SERPINB8: variants seen among roughly 807,000 people sequenced by gnomAD.
SERPINB8 encodes the protein serpin family B member 8.
In SERPINB8, 25 loss-of-function variants were observed where a neutral mutation model predicts 35.3. The ratio of observed to expected loss-of-function variants is 0.71; its 90% confidence interval spans 0.52 to 0.99. The LOEUF is 0.99. SERPINB8 is among the 50% of genes least tolerant of loss of function. The pLI, the probability that SERPINB8 is intolerant of heterozygous loss-of-function variation, is 0.00. For missense variants in SERPINB8, 484 were observed against 446.5 expected (o/e 1.08, Z -0.76); for synonymous variants, 186 against 160.8 (o/e 1.16, Z -1.19).
At chr18:64,013,779 CGG>C (rs2050936940) in intron 7 of SERPINB8, among the ~76,000 whole-genome samples, 1 of 151,984 alleles carries the variant, frequency 6.6e-6, no homozygotes, top group South Asian at 2.1e-4. Context: ...AAAGGTGTTC[CGG>C]AAAGAAGGAA....
At chr18:63,982,006 A>G (rs953895301) in intron 4 of SERPINB8, among the ~76,000 whole-genome samples, 168 bp downstream of exon 4, 1 of 152,198 alleles carries the variant, frequency 6.6e-6, no homozygotes, top group Admixed American at 6.5e-5. Flanking sequence ...ATTTCTTATC[A>G]GATCATGAAG....
chr18:64,019,583 C>A lies in SERPINB8; in HGVS notation c.*676C>A, dbSNP rs1359110675. ...TCTCTTTCACGTTATATAAGAAAAG[C>A]CTTCAGTATCTACCCCATGTTTAAT... On this transcript the variant is annotated 3_prime_UTR_variant, in exon 8 of 8. Transcript: ENST00000636430. The A allele has an allele frequency of 2.6e-5, 4 of 152,082 alleles. 1 individual carries two copies. Among genetic ancestry groups the A allele is most frequent in the Admixed American group, 2.0e-4 (3 of 15,258 alleles). The allele number at this position is 152,082 out of a possible 1,614,324, so 9.4% of individuals were successfully genotyped here. A position where few individuals can be genotyped will look rare whatever the true frequency, so the allele number is the denominator to read the frequency against.
chr18:63,994,153 T>C (rs1349716017), downstream of SERPINB8, among the ~76,000 whole-genome samples: 1 of 152,070 alleles, frequency 6.6e-6, no homozygotes, highest in Non-Finnish European at 1.5e-5. Context: ...CTCCCACCTC[T>C]GCTGCTTGTC....
intron 6 of SERPINB8, 126 bp from the exon 7 acceptor site, chr18:63,986,748 T>C: frequency 1.4e-6 from 2 of 1,395,966 alleles, no homozygotes; most frequent in Non-Finnish European, 1.9e-6. Flanking sequence ...AGAAAATATC[T>C]GTAGATTTTC....
downstream of SERPINB8, among the ~76,000 whole-genome samples, chr18:64,010,426 C>T (rs1226143521): frequency 4.6e-5 from 7 of 152,120 alleles, no homozygotes; most frequent in Non-Finnish European, 1.0e-4. Context: ...GTTCAGAAGA[C>T]ATGCAAAATC....
rs568953276 is a variant in SERPINB8 at position 63,986,992 on chromosome 18, A to G, written c.839A>G (p.Glu280Gly). ...AAGCTGGAGGAGAGTTATGACTTGGAGCCTTTCCTTCGAAGATTAGGAATG... is the reference window on the plus strand; with the variant it reads ...AAGCTGGAGGAGAGTTATGACTTGGGGCCTTTCCTTCGAAGATTAGGAATG... The part of the protein sequence containing the change: ...RLKLEESYDL[E>G]PFLRRLGMID... Residue 280 changes from glutamate to glycine, a missense_variant, in exon 7 of 7, where the codon GAG (glutamate) becomes GGG (glycine). Physicochemically the swap from Glu to Gly is moderately conservative, Grantham distance 98. Transcript: ENST00000397985. 29 of 1,614,230 alleles carry G rather than the reference A, an allele frequency of 1.8e-5. No homozygotes were observed. In the East Asian group the frequency reaches 4.0e-4, roughly 22 times the overall value.
chr18:63,997,308 TG>T (rs1178028911), intron 1 of SERPINB8, among the ~76,000 whole-genome samples: 1 of 152,146 alleles, frequency 6.6e-6, no homozygotes, highest in African/African-American at 2.4e-5. Context: ...AATATCCAGG[TG>T]GGTGTGGCTT....
At chr18:63,983,821 T>C (rs1599146967) in intron 5 of SERPINB8, 100 bp downstream of exon 5, 1 of 833,542 alleles carries the variant, frequency 1.2e-6, no homozygotes, top group East Asian at 2.6e-5. Flanking sequence ...ATGATCTTGA[T>C]TTTAATCTAT....
intron 6 of SERPINB8, among the ~76,000 whole-genome samples, chr18:63,985,606 T>C (rs1394375771): frequency 1.3e-5 from 2 of 152,226 alleles, no homozygotes; most frequent in African/African-American, 4.8e-5. Context: ...CTAATGCACA[T>C]ATATGATTCT....
At chr18:63,992,763 G>A (rs2050830822), downstream of SERPINB8, among the ~76,000 whole-genome samples, 1 of 152,196 alleles carries the variant, frequency 6.6e-6, no homozygotes, top group Admixed American at 6.5e-5. Flanking sequence ...AGGGGTCGGG[G>A]GCACCTTGCC....
intron 4 of SERPINB8, among the ~76,000 whole-genome samples, chr18:63,982,948 C>T: frequency 6.6e-6 from 1 of 151,906 alleles, no homozygotes; most frequent in Non-Finnish European, 1.5e-5. Context: ...AGAGAGGCTG[C>T]CTTCTCCCAT....
At position 63,978,318 on chromosome 18, in the gene SERPINB8, C is replaced by T. The variant is rs1298378287; in HGVS notation, c.10C>T (p.Leu4Phe). The T allele has an allele frequency of 6.2e-7, 1 of 1,614,136 alleles. No individual in the cohort carries two copies. The highest frequency in any genetic ancestry group is 1.1e-5 in the South Asian group (1 of 91,078). The change falls in exon 2 of 7, where the codon CTC (leucine) becomes TTC (phenylalanine). Residue 4 changes from leucine to phenylalanine, a missense_variant. Coordinates refer to ENST00000397985, the MANE Select transcript of SERPINB8 (RefSeq NM_002640.4). ...ATGCAGACCTTCTCTGATGGATGAC[C>T]TCTGTGAAGCAAATGGCACTTTTGC... is the stretch of plus-strand genomic sequence containing the variant. MDDLCEANGTFAIS... is the reference protein window; with the variant it reads MDDFCEANGTFAIS...
chr18:64,008,200 A>G (rs2050909180), downstream of SERPINB8, among the ~76,000 whole-genome samples: 1 of 152,154 alleles, frequency 6.6e-6, no homozygotes, highest in African/African-American at 2.4e-5. Flanking sequence ...ACACGTATTC[A>G]GGAGAAAAAT....
chr18:63,971,025 C>T (rs1196882257), intron 1 of SERPINB8, among the ~76,000 whole-genome samples: 1 of 152,142 alleles, frequency 6.6e-6, no homozygotes, highest in Non-Finnish European at 1.5e-5. Context: ...CCCAGGGCTG[C>T]TCTCCGGGCC....
chr18:64,001,841 G>C (rs2050876930), intron 1 of SERPINB8, among the ~76,000 whole-genome samples: 1 of 152,118 alleles, frequency 6.6e-6, no homozygotes, highest in Non-Finnish European at 1.5e-5. Flanking sequence ...CCTAATCCAG[G>C]CTCAAGTTAG....
chr18:63,979,071 T>G (rs1219917162), intron 2 of SERPINB8, among the ~76,000 whole-genome samples: 1 of 152,216 alleles, frequency 6.6e-6, no homozygotes, highest in Non-Finnish European at 1.5e-5. Flanking sequence ...CCCAGATAAT[T>G]GCCAAATGGA....
At chr18:64,000,791 C>T (rs1392762894) in intron 1 of SERPINB8, among the ~76,000 whole-genome samples, 1 of 152,162 alleles carries the variant, frequency 6.6e-6, no homozygotes, top group Non-Finnish European at 1.5e-5. Flanking sequence ...TCTCCCCTGC[C>T]CCCACAAATG....
chr18:63,974,824 G>A (rs1207259024), intron 1 of SERPINB8, among the ~76,000 whole-genome samples: 1 of 152,172 alleles, frequency 6.6e-6, no homozygotes, highest in African/African-American at 2.4e-5. Flanking sequence ...CTTCTGACCT[G>A]AGCAGAGGCC....
chr18:64,006,483 C>T (rs1293866266), downstream of SERPINB8, among the ~76,000 whole-genome samples: 3 of 152,146 alleles, frequency 2.0e-5, no homozygotes, highest in African/African-American at 7.2e-5. Context: ...CATGAGGACA[C>T]AGAGATGGCA....
Sources: gnomAD v4.1 joint callset for allele counts (sites outside exome capture counted in the v4.1 genomes callset) on GRCh38, gnomAD v4.1.1 for gene constraint, MANE v1.5 for transcripts, NCBI Gene and HGNC (gene_info 2026-07-23, HGNC 2026-07-21) for gene names.